SEC22C: variants seen among roughly 807,000 people sequenced by gnomAD.
SEC22C encodes the protein vesicle-trafficking protein SEC22c.
A neutral mutation model predicts 34.7 loss-of-function variants in SEC22C; 29 were observed. The ratio of observed to expected loss-of-function variants is 0.84; its 90% CI spans 0.62 to 1.14. The LOEUF (loss-of-function observed/expected upper bound fraction) is 1.14. Ranked by LOEUF, SEC22C falls within the 50% of genes most tolerant of loss-of-function variation. The probability of loss-of-function intolerance (pLI) is 0.00; values close to 1 mark genes in which losing one functional copy is unlikely to be tolerated. For missense variants in SEC22C, 337 were observed against 369.0 expected (o/e 0.91, Z 0.71); for synonymous variants, 117 against 132.8 (o/e 0.88, Z 0.82).
intron 1 of SEC22C, among the ~76,000 whole-genome samples, chr3:42,596,575 G>A (rs1389186789): frequency 6.6e-6 from 1 of 152,206 alleles, no homozygotes; most frequent in Non-Finnish European, 1.5e-5. Context: ...GATGGAGGAG[G>A]TGTCAGTCAT....
chr3:42,563,280 C>T (rs1009457332), intron 3 of SEC22C, among the ~76,000 whole-genome samples: 6 of 152,344 alleles, frequency 3.9e-5, no homozygotes, highest in East Asian at 3.9e-4. Context: ...ATAACCTACA[C>T]GTTTCACCCT....
intron 1 of SEC22C, among the ~76,000 whole-genome samples, chr3:42,589,079 A>G (rs967339528): frequency 6.6e-6 from 1 of 151,762 alleles, no homozygotes; most frequent in African/African-American, 2.4e-5. Flanking sequence ...CCTGACCAAT[A>G]TGGTGAAACC....
At chr3:42,587,932 G>C (rs1000655698) in intron 1 of SEC22C, among the ~76,000 whole-genome samples, 1 of 151,890 alleles carries the variant, frequency 6.6e-6, no homozygotes, top group Non-Finnish European at 1.5e-5. Context: ...AATTAGCTGG[G>C]CGTGGTGGTG....
intron 1 of SEC22C, chr3:42,591,499 G>T: frequency 6.3e-7 from 1 of 1,591,050 alleles, no homozygotes; most frequent in Non-Finnish European, 8.6e-7. Context: ...GGCCTGCACT[G>T]ACCCTTTCTT....
rs188741916 is a variant in SEC22C, at chr3:42,550,649, A to G, written c.*2599T>C. Reference sequence around the variant, plus strand: ...TCACCCCATGTAGATGTTAACTGATATCCACACATTCGACCTGGTGTGGAT... The same window carrying G: ...TCACCCCATGTAGATGTTAACTGATGTCCACACATTCGACCTGGTGTGGAT... On this transcript the variant is annotated 3_prime_UTR_variant, in exon 7 of 7. Coordinates refer to ENST00000264454, the MANE Select transcript of SEC22C (RefSeq NM_032970.4). 5 of 985,028 alleles carry G rather than the reference A, an allele frequency of 5.1e-6. No individual in the cohort carries two copies. In the East Asian group the frequency reaches 4.6e-4, roughly 90 times the overall value. The allele number at this position is 985,028 out of a possible 1,614,324, so 61.0% of individuals were successfully genotyped here.
At chr3:42,587,023 G>T (rs960121567), upstream of SEC22C, among the ~76,000 whole-genome samples, 1 of 152,048 alleles carries the variant, frequency 6.6e-6, no homozygotes, top group Admixed American at 6.6e-5. Flanking sequence ...TGATCACTAA[G>T]GCCTGCCAAA....
chr3:42,596,302 G>A (rs750236665), intron 1 of SEC22C, among the ~76,000 whole-genome samples: 11 of 152,138 alleles, frequency 7.2e-5, no homozygotes, highest in South Asian at 6.2e-4. Flanking sequence ...GATTACAGGC[G>A]TAAGCCACCG....
rs1553642229 is a variant in SEC22C, at chr3:42,548,884, TC to T, written c.*4363del. 7.4e-7 allele frequency: 1 copy of T among 1,357,056 alleles called. No homozygotes were observed. Among genetic ancestry groups the T allele is most frequent in the Non-Finnish European group, 9.5e-7 (1 of 1,055,012 alleles). 84.1% of individuals were successfully genotyped at this position (1,357,056 alleles called of 1,614,324 possible). ...CCAGGTGAATGTAAAGCCTTTCTCCTCCCACACACAATGGACTCACCCAGTA... is the reference window on the plus strand; with the variant it reads ...CCAGGTGAATGTAAAGCCTTTCTCCTCCACACACAATGGACTCACCCAGTA... On this transcript the variant is annotated 3_prime_UTR_variant, in exon 7 of 7. Transcript: ENST00000264454.
intron 3 of SEC22C, among the ~76,000 whole-genome samples, chr3:42,561,920 T>C (rs1702940325): frequency 6.6e-6 from 1 of 151,882 alleles, no homozygotes; most frequent in Non-Finnish European, 1.5e-5. Context: ...GATAGTACGG[T>C]ACAACCCTAG....
intron 1 of SEC22C, among the ~76,000 whole-genome samples, chr3:42,575,674 T>G (rs1034624447): frequency 1.3e-5 from 2 of 152,222 alleles, no homozygotes; most frequent in Non-Finnish European, 1.5e-5. Flanking sequence ...TAGTTATAGC[T>G]GGAGACTTCA....
intron 1 of SEC22C, among the ~76,000 whole-genome samples, chr3:42,593,773 T>C (rs550714132): frequency 3.9e-5 from 6 of 152,340 alleles, no homozygotes; most frequent in African/African-American, 1.4e-4. Flanking sequence ...AGTGCTATTT[T>C]ATACATGGTA....
At chr3:42,569,248 C>T (rs1703457001) in intron 1 of SEC22C, among the ~76,000 whole-genome samples, 175 bp from the exon 2 acceptor site, 1 of 152,190 alleles carries the variant, frequency 6.6e-6, no homozygotes, top group Non-Finnish European at 1.5e-5. Context: ...AACTTTCCTC[C>T]CTTCATTATC....
intron 5 of SEC22C, 43 bp downstream of exon 5, chr3:42,557,535 T>C (rs752614001): frequency 1.1e-6 from 1 of 882,104 alleles, no homozygotes; most frequent in Non-Finnish European, 1.8e-6. Flanking sequence ...TTCTATCATA[T>C]GTCCTTCAAT....
intron 1 of SEC22C, among the ~76,000 whole-genome samples, chr3:42,574,066 A>T (rs938980602): frequency 2.0e-4 from 31 of 152,368 alleles, no homozygotes; most frequent in African/African-American, 7.5e-4. Flanking sequence ...AGCCCAACTT[A>T]TGAAAACTAA....
chr3:42,598,898 T>C (rs998621854), intron 1 of SEC22C, among the ~76,000 whole-genome samples: 31 of 135,994 alleles, frequency 2.3e-4, no homozygotes, highest in African/African-American at 8.3e-4. Flanking sequence ...ATGGCAACTT[T>C]CACATAATGT....
chr3:42,552,019 T>C lies in SEC22C; in HGVS notation c.*1229A>G, dbSNP rs1342526967. On this transcript the variant is annotated 3_prime_UTR_variant, in exon 7 of 7. Coordinates refer to ENST00000264454, the MANE Select transcript of SEC22C (RefSeq NM_032970.4). ...CAATCCAAAGAGCAAACTCCCAAAA[T>C]GACCTCCTGCGTGGTACAAAACAAG... The C allele has an allele frequency of 5.1e-6, 5 of 985,292 alleles. No individual in the cohort carries two copies. Among genetic ancestry groups the C allele is most frequent in the African/African-American group, 3.5e-5 (2 of 57,218 alleles). The allele number at this position is 985,292 out of a possible 1,614,324, so 61.0% of individuals were successfully genotyped here.
rs1702280075 is a variant in SEC22C at position 42,551,999 on chromosome 3, C to T, written c.*1249G>A. The stretch of plus-strand genomic sequence containing the variant: ...TTCCAGACTTCTACCAAGAACAATC[C>T]AAAGAGCAAACTCCCAAAATGACCT... On this transcript the variant is annotated 3_prime_UTR_variant, in exon 7 of 7. Coordinates refer to ENST00000264454, the MANE Select transcript of SEC22C (RefSeq NM_032970.4). 1 of 985,258 alleles carries T rather than the reference C, an allele frequency of 1.0e-6. No homozygotes were observed. The highest frequency in any genetic ancestry group is 1.2e-6 in the Non-Finnish European group (1 of 829,916). The allele number at this position is 985,258 out of a possible 1,614,324, so 61.0% of individuals were successfully genotyped here.
chr3:42,590,866 C>A, intron 1 of SEC22C: 1 of 1,612,532 alleles, frequency 6.2e-7, no homozygotes, highest in Non-Finnish European at 8.5e-7. Context: ...GGTCGAGTTG[C>A]TTGGCGGTCG....
rs1404827812 is a variant in SEC22C at position 42,552,373 on chromosome 3, C to T, written c.*875G>A. 1.0e-6 allele frequency: 1 copy of T among 985,316 alleles called. No homozygotes were observed. The highest frequency in any genetic ancestry group is 1.1e-4 in the East Asian group (1 of 8,822). 61.0% of individuals were successfully genotyped at this position (985,316 alleles called of 1,614,324 possible). A position where few individuals can be genotyped will look rare whatever the true frequency, so the allele number is the denominator to read the frequency against. On this transcript the variant is annotated 3_prime_UTR_variant, in exon 7 of 7. Transcript: ENST00000264454. ...GAAAAGGCTGATGACAGCAGCCCCT[C>T]CCAAGCGGATCTGTAAAGTGCCACT...
Sources: gnomAD v4.1 joint callset for allele counts (sites outside exome capture counted in the v4.1 genomes callset) on GRCh38, gnomAD v4.1.1 for gene constraint, MANE v1.5 for transcripts, NCBI Gene and HGNC (gene_info 2026-07-23, HGNC 2026-07-21) for gene names.